The following CDH23 variants were observed in gnomAD, a reference collection of about 807,000 sequenced individuals.
The protein encoded by CDH23 is cadherin related 23, also known as cadherin-23.
Under a neutral mutation model 317.1 loss-of-function variants are expected in CDH23, and 189 were observed. That is an observed-to-expected ratio of 0.60 (90% CI 0.53 to 0.67). The LOEUF is 0.67. Ranked by LOEUF, CDH23 falls within the 30% of genes least tolerant of loss-of-function variation. CDH23 has a pLI of 0.00. For synonymous variants in CDH23, 1,839 were observed against 1,876.8 expected (o/e 0.98, Z 0.52); for missense variants, 4,401 against 4,592.4 (o/e 0.96, Z 1.20).
chr10:71,762,274 C>T lies in CDH23; in HGVS notation c.4846-15406C>T, dbSNP rs1197181717. 2.6e-5 allele frequency among the ~76,000 whole-genome samples: 4 copies of T among 152,224 alleles called. No individual in the cohort carries two copies. The East Asian group carries it at 7.7e-4, about 29-fold the overall frequency. ...GGATGCTGGACAGGGCAGGGAGAGA[C>T]TTGGAGGGCAGTGATGCAGTCGGGT... On this transcript the variant is annotated intron_variant, in intron 38 of 69. Transcript: ENST00000224721.
At position 71,809,993 on chromosome 10, in the gene CDH23, G is replaced by A. The variant is rs767686501; in HGVS notation, c.8896G>A (p.Asp2966Asn). 4.3e-6 allele frequency: 7 copies of A among 1,612,168 alleles called. No homozygotes were observed. The highest frequency in any genetic ancestry group is 5.9e-6 in the Non-Finnish European group (7 of 1,179,874). The part of the protein sequence containing the change: ...RVKIVINEIP[D>N]RVRGFEEEFI... ...CAAGATCGTCATTAACGAGATCCCC[G>A]ACCGTGTGCGCGGCTTCGAGGAGGA... The change falls in exon 61 of 70, where the codon GAC (aspartate) becomes AAC (asparagine). Residue 2966 changes from aspartate (D) to asparagine (N), a missense_variant. By Grantham distance (23) the Asp-to-Asn change is conservative. Transcript: ENST00000224721.
Position 71,529,634 on chromosome 10 carries a change from C to T in CDH23, c.429+18422C>T, listed in dbSNP as rs80209340. Among the ~76,000 whole-genome samples, 795 of 152,284 alleles carry T rather than the reference C, an allele frequency of 5.2e-3. 12 individuals are homozygous for T. Among genetic ancestry groups the T allele is most frequent in the Non-Finnish European group, 4.5e-3 (307 of 68,030 alleles). ...CCTATTCCTCCCTCCGTCACACACC[C>T]TTCCAATCTCAGAACATCTAGCAGA... On this transcript the variant is annotated intron_variant, in intron 6 of 69. Coordinates refer to ENST00000224721, the MANE Select transcript of CDH23 (RefSeq NM_022124.6).
At position 71,446,409 on chromosome 10, in the gene CDH23, T is replaced by C; in HGVS notation, c.145+14T>C. 3.1e-6 allele frequency: 5 copies of C among 1,613,418 alleles called. No homozygotes were observed. The highest frequency in any genetic ancestry group is 4.2e-6 in the Non-Finnish European group (5 of 1,179,386). Reference sequence around the variant, plus strand: ...ACACGCCTGTGGGTGAGTGGGGGCATGGGCTGGTGGGCGTGCAGATGGCCT... The same window carrying C: ...ACACGCCTGTGGGTGAGTGGGGGCACGGGCTGGTGGGCGTGCAGATGGCCT... On this transcript the variant is annotated intron_variant, in intron 3 of 69. Coordinates refer to ENST00000224721, the MANE Select transcript of CDH23 (RefSeq NM_022124.6).
At chr10:71,440,721 G>A (rs924757294) in intron 2 of CDH23, among the ~76,000 whole-genome samples, 6 of 152,202 alleles carry the variant, frequency 3.9e-5, no homozygotes, top group African/African-American at 1.2e-4. Flanking sequence ...AGCAGGTGGT[G>A]GGGAGCAAAG....
chr10:71,724,663 G>A (rs1866725942), intron 29 of CDH23, among the ~76,000 whole-genome samples: 1 of 152,196 alleles, frequency 6.6e-6, no homozygotes, highest in Admixed American at 6.5e-5. Context: ...CCAAAGCCAT[G>A]GCCCTGACAG....
chr10:71,692,319 C>T (rs1395172962), intron 20 of CDH23, among the ~76,000 whole-genome samples: 2 of 152,218 alleles, frequency 1.3e-5, no homozygotes, highest in Non-Finnish European at 2.9e-5. Flanking sequence ...CCAGCTCCAC[C>T]TGGGGCCTTT....
intron 11 of CDH23, among the ~76,000 whole-genome samples, chr10:71,630,428 G>T (rs938272624): frequency 2.0e-5 from 3 of 152,192 alleles, no homozygotes; most frequent in Non-Finnish European, 2.9e-5. Context: ...TTCAGATGGG[G>T]CCTGTGGAGG....
rs775381086 is a variant in CDH23 at position 71,732,181 on chromosome 10, C to T, written c.3910C>T (p.Leu1304Phe). The T allele has an allele frequency of 5.6e-6, 9 of 1,613,950 alleles. No homozygotes were observed. The highest frequency in any genetic ancestry group is 5.5e-5 in the South Asian group (5 of 91,064). ...QGFCSVYITL[L>F]NELDEAVQFS... The stretch of plus-strand genomic sequence containing the variant: ...CTTCTGCAGCGTCTACATCACTCTG[C>T]TCAACGAGCTGGACGAGGCCGTGCA... The change falls in exon 32 of 70, where the codon CTC (leucine) becomes TTC (phenylalanine). Residue 1304 changes from leucine to phenylalanine, a missense_variant. Around this residue, in one of 3 missense-constraint regions of CDH23, gnomAD observed 3,068 missense variants for 3,203.3 expected, o/e 0.96. Transcript: ENST00000224721.
At chr10:71,402,928 A>G (rs528844382) in intron 1 of CDH23, among the ~76,000 whole-genome samples, 13 of 152,262 alleles carry the variant, frequency 8.5e-5, no homozygotes, top group African/African-American at 2.4e-4. Flanking sequence ...CATCCTGGCT[A>G]ACACGGTGAA....
At chr10:71,520,833 C>T (rs1347251345) in intron 6 of CDH23, among the ~76,000 whole-genome samples, 1 of 152,202 alleles carries the variant, frequency 6.6e-6, no homozygotes, top group Non-Finnish European at 1.5e-5. Context: ...GGGGACAGGC[C>T]TGGCAGCCCC....
In CDH23 at chr10:71,716,286, C is replaced by A. The variant is rs371701194; in HGVS notation, c.3369+3473C>A. 5.7e-5 allele frequency: 87 copies of A among 1,525,744 alleles called. No homozygotes were observed. The African/African-American group carries it at 1.1e-3, about 20-fold the overall frequency. 94.5% of individuals were successfully genotyped at this position (1,525,744 alleles called of 1,614,324 possible). Reference sequence around the variant, plus strand: ...GGAGTGACGGGAGCTGAGAGAAAGGCGAGGGGGCTGATGGCTGGGGAGCTG... The same window carrying A: ...GGAGTGACGGGAGCTGAGAGAAAGGAGAGGGGGCTGATGGCTGGGGAGCTG... On this transcript the variant is annotated intron_variant, in intron 28 of 69. Transcript: ENST00000224721.
In CDH23 at chr10:71,751,271, T is replaced by C. The variant is rs780506490; in HGVS notation, c.4845+9350T>C. The C allele has an allele frequency of 2.5e-6, 4 of 1,610,298 alleles. No homozygotes were observed. The highest frequency in any genetic ancestry group is 3.4e-6 in the Non-Finnish European group (4 of 1,178,052). ...AGCTGGGCTAGATGACCTCAAAGTT[T>C]GGAGAGTCAGGGACAGGGTCTGCAA... On this transcript the variant is annotated intron_variant, in intron 38 of 69. Coordinates refer to ENST00000224721, the MANE Select transcript of CDH23 (RefSeq NM_022124.6). This position sits in a 1 kb window ranked among gnomAD's most constrained non-coding sequence, Gnocchi z 4.9.
At chr10:71,523,379 C>T (rs1309037831) in intron 6 of CDH23, among the ~76,000 whole-genome samples, 1 of 152,170 alleles carries the variant, frequency 6.6e-6, no homozygotes, top group Non-Finnish European at 1.5e-5. Flanking sequence ...TCACCTCCCC[C>T]AAACCACCAG....
intron 38 of CDH23, among the ~76,000 whole-genome samples, chr10:71,754,492 A>G (rs757750915): frequency 1.3e-5 from 2 of 152,162 alleles, no homozygotes; most frequent in Non-Finnish European, 2.9e-5. Flanking sequence ...GCAAGGGTAA[A>G]AAACTCCCTA....
chr10:71,514,309 C>T (rs1303676634), intron 6 of CDH23, among the ~76,000 whole-genome samples: 1 of 152,180 alleles, frequency 6.6e-6, no homozygotes, highest in East Asian at 1.9e-4. Flanking sequence ...GCATTTTTTA[C>T]AAACTCCTCT....
chr10:71,683,270 C>G (rs1471370450), intron 18 of CDH23, among the ~76,000 whole-genome samples: 4 of 152,234 alleles, frequency 2.6e-5, no homozygotes, highest in African/African-American at 7.2e-5. Context: ...CTGTGGGAGA[C>G]AGCGAACGCG....
chr10:71,593,359 C>T (rs558332000), intron 9 of CDH23, among the ~76,000 whole-genome samples: 7 of 152,120 alleles, frequency 4.6e-5, no homozygotes, highest in South Asian at 2.1e-4. Context: ...AAATGTGAAA[C>T]GTAAAATATA....
intron 26 of CDH23, among the ~76,000 whole-genome samples, chr10:71,708,048 C>CT (rs2132749028): frequency 6.6e-6 from 1 of 152,324 alleles, no homozygotes; most frequent in Non-Finnish European, 1.5e-5. Context: ...GGCTTAGTTA[C>CT]TAAGACCCCT....
intron 38 of CDH23, among the ~76,000 whole-genome samples, chr10:71,763,617 A>T (rs1840453888): frequency 6.6e-6 from 1 of 152,224 alleles, no homozygotes. Context: ...GCTGTGAGCC[A>T]CTTAGACGCT....
Sources: allele counts gnomAD v4.1 joint callset (sites outside exome capture counted in the v4.1 genomes callset), GRCh38; gene constraint gnomAD v4.1.1; regional missense constraint gnomAD v4.1.1; non-coding constraint Gnocchi (gnomAD v3.1); transcripts MANE v1.5; gene names NCBI Gene and HGNC (gene_info 2026-07-23, HGNC 2026-07-21).